The following GCFC2 variants were observed in gnomAD, a reference collection of about 807,000 sequenced individuals.
The protein encoded by GCFC2 is intron Large complex component GCFC2.
Under a neutral mutation model 99.4 loss-of-function variants are expected in GCFC2, and 102 were observed. The ratio of observed to expected loss-of-function variants is 1.03; its 90% CI spans 0.87 to 1.21. The LOEUF (loss-of-function observed/expected upper bound fraction) is 1.21. Among genes scored for constraint, GCFC2 ranks in the 50% most tolerant of loss-of-function variants. The probability of loss-of-function intolerance (pLI) is 0.00; values close to 1 mark genes in which losing one functional copy is unlikely to be tolerated. For missense variants in GCFC2, 973 were observed against 920.9 expected (o/e 1.06, Z -0.73); for synonymous variants, 338 against 316.8 (o/e 1.07, Z -0.71).
At chr2:75,677,698 A>G (rs564767090) in intron 12 of GCFC2, among the ~76,000 whole-genome samples, 5 of 152,312 alleles carry the variant, frequency 3.3e-5, no homozygotes, top group African/African-American at 1.2e-4. Context: ...AACATCCATT[A>G]TAAAAACTGC....
chr2:75,701,292 C>CG lies in GCFC2; in HGVS notation c.620-6dup, dbSNP rs541420856. 1.2e-4 allele frequency: 191 copies of CG among 1,564,454 alleles called. No homozygotes were observed. The highest frequency in any genetic ancestry group is 1.5e-4 in the Non-Finnish European group (174 of 1,137,354). Reference sequence around the variant, plus strand: ...TTGTTTCTTCATTTCTGCTTACTAGCGGAAAAAAAGCTCACATGTAAACGT... The same window carrying CG: ...TTGTTTCTTCATTTCTGCTTACTAGCGGGAAAAAAAGCTCACATGTAAACGT... On this transcript the variant is annotated splice_region_variant and splice_polypyrimidine_tract_variant and intron_variant, in intron 3 of 16. Transcript: ENST00000321027.
intron 6 of GCFC2, 70 bp from the exon 7 acceptor site, chr2:75,692,170 T>C (rs111967112): frequency 0.59 from 263,426 of 450,200 alleles, 79,229 homozygotes; most frequent in African/African-American, 0.75. Context: ...TATATATATA[T>C]AAAAGTAATA....
At chr2:75,672,320 T>C (rs1213868275) in intron 13 of GCFC2, among the ~76,000 whole-genome samples, 1 of 138,534 alleles carries the variant, frequency 7.2e-6, no homozygotes, top group Non-Finnish European at 1.5e-5. Context: ...TAAATATGTT[T>C]ATAAAATATA....
rs1210117182 is a variant in GCFC2 at position 75,692,043 on chromosome 2, T to C, written c.1078A>G (p.Met360Val). 15 of 1,554,494 alleles carry C rather than the reference T, an allele frequency of 9.6e-6. No individual in the cohort carries two copies. The highest frequency in any genetic ancestry group is 1.4e-5 in the African/African-American group (1 of 73,852). The change falls in exon 7 of 17, where the codon ATG becomes GTG. Residue 360 changes from methionine to valine, a missense_variant. Coordinates refer to ENST00000321027, the MANE Select transcript of GCFC2 (RefSeq NM_003203.5). ...SMHALLLKQA[M>V]TFMKRRQDEL... ...TCTTGCCTGCGTTTCATAAAGGTCA[T>C]AGCTTGTTTTAAAAGGAGTGCATGC...
chr2:75,664,520 G>C lies in GCFC2; in HGVS notation c.*146C>G. 2.0e-6 allele frequency: 1 copy of C among 495,258 alleles called. No homozygotes were observed. Among genetic ancestry groups the C allele is most frequent in the Non-Finnish European group, 3.6e-6 (1 of 280,296 alleles). 30.7% of individuals were successfully genotyped at this position (495,258 alleles called of 1,614,324 possible). ...TCATGATGCCAGAAGGTAAAGCACG[G>C]GGGAATACAGAGGTGGAGTCCTGCT... On this transcript the variant is annotated 3_prime_UTR_variant, in exon 17 of 17. Transcript: ENST00000321027.
At chr2:75,665,216 A>G (rs929443421) in intron 16 of GCFC2, among the ~76,000 whole-genome samples, 1 of 152,002 alleles carries the variant, frequency 6.6e-6, no homozygotes, top group Non-Finnish European at 1.5e-5. Context: ...CAGTGGCACA[A>G]TCATAGCTCA....
intron 11 of GCFC2, among the ~76,000 whole-genome samples, chr2:75,687,025 C>T (rs1679849583): frequency 6.6e-6 from 1 of 151,862 alleles, no homozygotes; most frequent in African/African-American, 2.4e-5. Flanking sequence ...ACCTTCGCCT[C>T]CCAGGTTTAA....
At chr2:75,691,443 AG>A (rs1206064202) in intron 7 of GCFC2, among the ~76,000 whole-genome samples, 2 of 152,126 alleles carry the variant, frequency 1.3e-5, no homozygotes, top group Non-Finnish European at 2.9e-5. Context: ...TGATCCACTA[AG>A]GGTTGTGTGT....
At chr2:75,710,550 T>C in intron 1 of GCFC2, 41 bp downstream of exon 1, 1 of 1,465,458 alleles carries the variant, frequency 6.8e-7, no homozygotes, top group South Asian at 1.4e-5. Flanking sequence ...CTTCCCGCCC[T>C]GTGCCGTCAC....
intron 15 of GCFC2, among the ~76,000 whole-genome samples, chr2:75,669,542 T>A (rs575753390): frequency 1.3e-5 from 2 of 152,352 alleles, no homozygotes; most frequent in East Asian, 1.9e-4. Context: ...TTACATTTTT[T>A]AAAATTTTAC....
chr2:75,677,294 A>T (rs1679385050), intron 12 of GCFC2, among the ~76,000 whole-genome samples: 1 of 152,206 alleles, frequency 6.6e-6, no homozygotes, highest in Non-Finnish European at 1.5e-5. Context: ...AACAGAAACT[A>T]TGTTGTCTGA....
chr2:75,669,485 C>A (rs1678990469), intron 15 of GCFC2, among the ~76,000 whole-genome samples: 1 of 152,160 alleles, frequency 6.6e-6, no homozygotes, highest in Non-Finnish European at 1.5e-5. Flanking sequence ...CTCCCTCACT[C>A]TCAAATATAG....
intron 2 of GCFC2, 58 bp downstream of exon 2, chr2:75,706,465 T>C: frequency 2.7e-6 from 3 of 1,115,568 alleles, no homozygotes; most frequent in South Asian, 1.5e-5. Flanking sequence ...TTAATAACTA[T>C]ATCAAAAACA....
Position 75,694,323 on chromosome 2 carries a change from G to T in GCFC2, c.938C>A (p.Ser313Ter). 2 of 1,363,620 alleles carry T rather than the reference G, an allele frequency of 1.5e-6. No homozygotes were observed. The highest frequency in any genetic ancestry group is 2.1e-6 in the Non-Finnish European group (2 of 969,980). The allele number at this position is 1,363,620 out of a possible 1,614,324, so 84.5% of individuals were successfully genotyped here. ...SKSTIQNLES[S>*]SNQALNCKFY... Reference sequence around the variant, plus strand: ...TTTACAATTTAGAGCTTGATTTGATGAACTCTCTAGGTTCTGGATGGTACT... The same window carrying T: ...TTTACAATTTAGAGCTTGATTTGATTAACTCTCTAGGTTCTGGATGGTACT... Residue 313 changes from serine to a stop codon, truncating the protein, a stop_gained, in exon 6 of 17, where the codon TCA (serine) becomes TAA (stop). Transcript: ENST00000321027. LOFTEE classifies it high-confidence loss of function.
At chr2:75,679,862 T>C (rs1573055056) in intron 12 of GCFC2, 1 of 406,412 alleles carries the variant, frequency 2.5e-6, no homozygotes. Flanking sequence ...AGTAAGCTAA[T>C]AGGAATGAAA....
upstream of GCFC2, chr2:75,710,948 TG>T (rs770778655): frequency 6.6e-6 from 9 of 1,368,712 alleles, no homozygotes; most frequent in Non-Finnish European, 8.4e-6. Flanking sequence ...CCGCCGCGCC[TG>T]GCCGCCGAGT....
intron 1 of GCFC2, among the ~76,000 whole-genome samples, chr2:75,708,969 G>A (rs1462912509): frequency 6.6e-6 from 1 of 152,044 alleles, no homozygotes; most frequent in South Asian, 2.1e-4. Context: ...AAACAAAATA[G>A]CACAAGAGAT....
At chr2:75,701,993 A>G in intron 3 of GCFC2, 1 of 1,339,110 alleles carries the variant, frequency 7.5e-7, no homozygotes, top group Non-Finnish European at 9.5e-7. Context: ...AGGCATTAAT[A>G]AACATTATTA....
chr2:75,710,316 G>T, intron 1 of GCFC2: 1 of 524,722 alleles, frequency 1.9e-6, no homozygotes, highest in Non-Finnish European at 3.0e-6. Flanking sequence ...AGTTATAACT[G>T]ATGGAGTCAA....
Sources: gnomAD v4.1 joint callset for allele counts (sites outside exome capture counted in the v4.1 genomes callset) on GRCh38, gnomAD v4.1.1 for gene constraint, MANE v1.5 for transcripts, NCBI Gene and HGNC (gene_info 2026-07-23, HGNC 2026-07-21) for gene names.